KDM5A: variants seen among roughly 807,000 people sequenced by gnomAD.
KDM5A encodes lysine demethylase 5A, also known as lysine-specific demethylase 5A.
KDM5A carries 42 observed loss-of-function variants against 193.5 expected under a neutral mutation model. The ratio of observed to expected loss-of-function variants is 0.22; its 90% CI spans 0.17 to 0.28. KDM5A has a LOEUF of 0.28. Ranked by LOEUF, KDM5A falls within the 10% of genes least tolerant of loss-of-function variation. KDM5A has a pLI of 1.00. For synonymous variants in KDM5A, 796 were observed against 718.1 expected (o/e 1.11, Z -1.73); for missense variants, 1,692 against 2,055.1 (o/e 0.82, Z 3.42).
At chr12:313,961 T>C (rs1318521638) in intron 19 of KDM5A, among the ~76,000 whole-genome samples, 1 of 152,018 alleles carries the variant, frequency 6.6e-6, no homozygotes, top group African/African-American at 2.4e-5. Flanking sequence ...AGTTTGCGAT[T>C]AGGGGGTGAT....
chr12:329,192 G>A (rs1353691114), intron 13 of KDM5A, 163 bp from the exon 14 acceptor site: 1 of 650,920 alleles, frequency 1.5e-6, no homozygotes, highest in Non-Finnish European at 2.7e-6. Context: ...TATTAACCCT[G>A]TAAGACCCAG....
At chr12:351,211 C>A (rs1382159828) in intron 9 of KDM5A, among the ~76,000 whole-genome samples, 1 of 152,064 alleles carries the variant, frequency 6.6e-6, no homozygotes, top group African/African-American at 2.4e-5. Flanking sequence ...CCTCCCCTAG[C>A]CCCCTACTCC....
rs139433442 is a variant in KDM5A, at chr12:303,689, T to G, written c.4074+3257A>C. Among the ~76,000 whole-genome samples, 16 of 152,332 alleles carry G rather than the reference T, an allele frequency of 1.1e-4. No homozygotes were observed. In the East Asian group the frequency reaches 3.1e-3, roughly 29 times the overall value. On this transcript the variant is annotated intron_variant, in intron 24 of 27. Transcript: ENST00000399788. ...TTATGGTTAAGTAATCTACCTTCTA[T>G]AGTCTACAACCTATAATAACTCCTA...
intron 19 of KDM5A, among the ~76,000 whole-genome samples, chr12:317,054 C>A (rs145650365): frequency 3.9e-5 from 6 of 152,114 alleles, no homozygotes; most frequent in Admixed American, 2.6e-4. Flanking sequence ...CAAGGACCAC[C>A]GTTAATTATC....
chr12:370,799 T>A (rs1236426016), intron 3 of KDM5A, among the ~76,000 whole-genome samples: 1 of 152,172 alleles, frequency 6.6e-6, no homozygotes, highest in African/African-American at 2.4e-5. Flanking sequence ...CGGTGTGTGA[T>A]GTTCACCTTC....
chr12:322,529 C>T lies in KDM5A; in HGVS notation c.2314G>A (p.Asp772Asn). 1 of 1,613,052 alleles carries T rather than the reference C, an allele frequency of 6.2e-7. No individual in the cohort carries two copies. ...ELRVMLEDAE[D>N]RKYPENDLFR... is the part of the protein sequence containing the mutation. ...AGATCATTCTCTGGGTATTTCCTAT[C>T]CTCAGCATCTTCCAGCATTACTCGC... The change falls in exon 17 of 28, where the codon GAT becomes AAT. Residue 772 changes from aspartate (D) to asparagine (N), a missense_variant. Asp to Asn is a conservative substitution (Grantham distance 23, BLOSUM62 1). This residue lies in a region of KDM5A where 965 missense variants were observed against 1,061.0 expected (regional missense o/e 0.91). Coordinates refer to ENST00000399788, the MANE Select transcript of KDM5A (RefSeq NM_001042603.3).
rs1342292006 is a variant in KDM5A, at chr12:352,329, A to G, written c.1030-5T>C. On this transcript the variant is annotated splice_polypyrimidine_tract_variant and splice_region_variant and intron_variant, in intron 8 of 27. Transcript: ENST00000399788. ...TTCTCGAGGTTTGCTACATTCCTGG[A>G]AAGAAAAAATATGTAAGATTAACTT... 1.2e-6 allele frequency: 2 copies of G among 1,612,894 alleles called. No individual in the cohort carries two copies. Among genetic ancestry groups the G allele is most frequent in the Non-Finnish European group, 8.5e-7 (1 of 1,178,862 alleles).
At chr12:343,461 A>G (rs1944032574) in intron 10 of KDM5A, among the ~76,000 whole-genome samples, 1 of 152,200 alleles carries the variant, frequency 6.6e-6, no homozygotes, top group African/African-American at 2.4e-5. Context: ...CTCCTCGAGT[A>G]GGTCCCTGAC....
chr12:350,333 G>A (rs1488771286), intron 10 of KDM5A, among the ~76,000 whole-genome samples: 1 of 151,366 alleles, frequency 6.6e-6, no homozygotes, highest in African/African-American at 2.4e-5. Context: ...CTACTCGGAA[G>A]GCTGAGGCAA....
intron 3 of KDM5A, among the ~76,000 whole-genome samples, chr12:369,660 C>A (rs1396935733): frequency 6.6e-6 from 1 of 152,060 alleles, no homozygotes; most frequent in East Asian, 1.9e-4. Flanking sequence ...AGGGAACAGA[C>A]AAAGCAAAGG....
intron 10 of KDM5A, among the ~76,000 whole-genome samples, chr12:339,875 ATT>A (rs202004318): frequency 4.3e-4 from 61 of 140,748 alleles, no homozygotes; most frequent in Admixed American, 4.3e-4. Context: ...AAGAAGTCTG[ATT>A]TTTTTTTTTT....
rs888512449 is a variant in KDM5A at position 378,729 on chromosome 12, C to T, written c.366+5302G>A. 7.2e-5 allele frequency among the ~76,000 whole-genome samples: 11 copies of T among 152,140 alleles called. No individual in the cohort carries two copies. In the East Asian group the frequency reaches 7.7e-4, roughly 11 times the overall value. On this transcript the variant is annotated intron_variant, in intron 3 of 27. Transcript: ENST00000399788. ...ATCCCAGCACTTTGGGAGGCCAAGG[C>T]GGGCGGATCACGAGGTCAGGAGATT...
In KDM5A at chr12:285,249, AAAG is replaced by A. The variant is rs1412655675; in HGVS notation, c.*204_*206del. ...GACATGAAATATTGGCTGTTGTACC[AAAG>A]AAGACACCCTCTGCATAGATATGTT... is the stretch of plus-strand genomic sequence containing the variant. On this transcript the variant is annotated 3_prime_UTR_variant, in exon 28 of 28. Transcript: ENST00000399788. The A allele has an allele frequency of 5.0e-6, 3 of 597,868 alleles. No individual in the cohort carries two copies. Among genetic ancestry groups the A allele is most frequent in the Non-Finnish European group, 8.9e-6 (3 of 335,464 alleles). The allele number at this position is 597,868 out of a possible 1,614,324, so 37.0% of individuals were successfully genotyped here. A position where few individuals can be genotyped will look rare whatever the true frequency, so the allele number is the denominator to read the frequency against.
intron 10 of KDM5A, among the ~76,000 whole-genome samples, chr12:339,483 C>G (rs566658277): frequency 1.9e-3 from 288 of 152,278 alleles, no homozygotes; most frequent in African/African-American, 6.8e-3. Flanking sequence ...AACAGCAAAT[C>G]TGCAACCCAG....
At chr12:353,570 T>C (rs1048036152) in intron 8 of KDM5A, among the ~76,000 whole-genome samples, 6 of 152,160 alleles carry the variant, frequency 3.9e-5, no homozygotes, top group Admixed American at 3.3e-4. Context: ...AAAAGAATCT[T>C]TGAAAGGCAA....
intron 10 of KDM5A, among the ~76,000 whole-genome samples, chr12:349,698 G>GT (rs989896895): frequency 7.2e-5 from 1 of 13,840 alleles, no homozygotes. Context: ...AATTAAATTA[G>GT]CTTTTTTTTT....
At chr12:323,232 A>C in intron 15 of KDM5A, 26 bp from the exon 16 acceptor site, 1 of 1,500,162 alleles carries the variant, frequency 6.7e-7, no homozygotes, top group Non-Finnish European at 8.9e-7. Context: ...AAAAAAAAAA[A>C]AAAAAAAGAA....
intron 12 of KDM5A, 96 bp from the exon 13 acceptor site, chr12:332,034 T>G (rs1394682676): frequency 5.0e-6 from 6 of 1,193,734 alleles, no homozygotes; most frequent in Non-Finnish European, 7.3e-6. Context: ...ATGCATTTTC[T>G]AAAACTGAAA....
At chr12:366,438 T>C (rs1944358011) in intron 3 of KDM5A, among the ~76,000 whole-genome samples, 1 of 151,902 alleles carries the variant, frequency 6.6e-6, no homozygotes, top group Non-Finnish European at 1.5e-5. Context: ...GAAATAAGAA[T>C]AAAAACAGAT....
Sources: allele counts gnomAD v4.1 joint callset (sites outside exome capture counted in the v4.1 genomes callset), GRCh38; gene constraint gnomAD v4.1.1; regional missense constraint gnomAD v4.1.1; transcripts MANE v1.5; gene names NCBI Gene and HGNC (gene_info 2026-07-23, HGNC 2026-07-21).